Variants in MSL2 observed in about 807,000 individuals in gnomAD.
The protein encoded by MSL2 is MSL complex subunit 2, also known as E3 ubiquitin-protein ligase MSL2.
In MSL2, 2 loss-of-function variants were observed where a neutral mutation model predicts 35.8. The observed-to-expected ratio is 0.06, with a 90% CI of 0.02 to 0.18. The LOEUF is 0.18. Among genes scored for constraint, MSL2 ranks in the 10% least tolerant of loss-of-function variants. The pLI, the probability that MSL2 is intolerant of heterozygous loss-of-function variation, is 1.00. For missense variants in MSL2, 523 were observed against 706.7 expected (o/e 0.74, Z 2.95); for synonymous variants, 296 against 255.7 (o/e 1.16, Z -1.50).
At chr3:136,166,052 T>C (rs775900284) in intron 1 of MSL2, among the ~76,000 whole-genome samples, 2 of 115,706 alleles carry the variant, frequency 1.7e-5, no homozygotes, top group Non-Finnish European at 3.5e-5. Flanking sequence ...TATTTAAATG[T>C]ACGTACCAGT....
intron 1 of MSL2, among the ~76,000 whole-genome samples, chr3:136,189,255 T>C (rs1940614714): frequency 7.0e-6 from 1 of 143,504 alleles, no homozygotes; most frequent in Admixed American, 7.2e-5. Flanking sequence ...GCCGTGATCA[T>C]GCCACCACAT....
At chr3:136,184,393 G>C (rs2108090147) in intron 1 of MSL2, among the ~76,000 whole-genome samples, 1 of 152,016 alleles carries the variant, frequency 6.6e-6, no homozygotes, top group East Asian at 1.9e-4. Context: ...CTGAGGTCAG[G>C]AGTTCAAGAC....
intron 1 of MSL2, among the ~76,000 whole-genome samples, chr3:136,172,714 T>TGA (rs1185833672): frequency 6.6e-6 from 1 of 152,176 alleles, no homozygotes; most frequent in Non-Finnish European, 1.5e-5. Flanking sequence ...TAATCCTTAC[T>TGA]GACACAGACC....
At chr3:136,163,752 G>T (rs1283358753) in intron 1 of MSL2, among the ~76,000 whole-genome samples, 1 of 152,136 alleles carries the variant, frequency 6.6e-6, no homozygotes, top group South Asian at 2.1e-4. Context: ...TGAATCATGG[G>T]AGCAGTTTCC....
At chr3:136,172,069 C>A (rs1394609175) in intron 1 of MSL2, among the ~76,000 whole-genome samples, 4 of 152,090 alleles carry the variant, frequency 2.6e-5, no homozygotes. Flanking sequence ...CCTTGGCCTC[C>A]CAAAGGGCTG....
intron 1 of MSL2, chr3:136,156,018 A>G: frequency 3.0e-6 from 1 of 328,186 alleles, no homozygotes; most frequent in South Asian, 2.7e-5. Context: ...TCCTTATAGT[A>G]CCAACTACTT....
intron 1 of MSL2, among the ~76,000 whole-genome samples, chr3:136,166,062 TAAAAAA>T (rs34420183): frequency 8.7e-5 from 7 of 80,060 alleles, no homozygotes; most frequent in Non-Finnish European, 1.2e-4. Context: ...TACGTACCAG[TAAAAAA>T]AAAAAAAAAA....
chr3:136,152,267 A>C lies in MSL2; in HGVS notation c.614T>G (p.Phe205Cys). The change falls in exon 2 of 2, where the codon TTT (phenylalanine) becomes TGT (cysteine). Residue 205 changes from phenylalanine (F) to cysteine (C), a missense_variant. By Grantham distance (205) the Phe-to-Cys change is radical. Coordinates refer to ENST00000309993, the MANE Select transcript of MSL2 (RefSeq NM_018133.4). ...PTYNGLSIDR[F>C]GINIPSPEHS... ...TTCAGGTGAAGGAATATTTATACCA[A>C]ATCTATCTATTGAAAGCCCATTATA... The C allele has an allele frequency of 6.2e-7, 1 of 1,614,084 alleles. No homozygotes were observed. The highest frequency in any genetic ancestry group is 8.5e-7 in the Non-Finnish European group (1 of 1,179,918).
chr3:136,157,688 A>C (rs1303178776), intron 1 of MSL2, among the ~76,000 whole-genome samples: 1 of 152,188 alleles, frequency 6.6e-6, no homozygotes, highest in Non-Finnish European at 1.5e-5. Context: ...GCCCTACAAA[A>C]TGTGAAGAAT....
chr3:136,164,186 A>C (rs1363828094), intron 1 of MSL2, among the ~76,000 whole-genome samples: 2 of 152,244 alleles, frequency 1.3e-5, no homozygotes, highest in Admixed American at 6.5e-5. Flanking sequence ...ATTTAACTTT[A>C]GGAAATATAC....
chr3:136,195,333 CA>C lies in MSL2; in HGVS notation c.-221del. On this transcript the variant is annotated 5_prime_UTR_variant, in exon 1 of 2. Coordinates refer to ENST00000309993, the MANE Select transcript of MSL2 (RefSeq NM_018133.4). ...CCCTCCGTCCCTGAGACTTCCAGACCAAAAATATGAGAGAGAAACCAGCGTT... is the reference window on the plus strand; with the variant it reads ...CCCTCCGTCCCTGAGACTTCCAGACCAAAATATGAGAGAGAAACCAGCGTT... 7.5e-7 allele frequency: 1 copy of C among 1,338,660 alleles called. No homozygotes were observed. The highest frequency in any genetic ancestry group is 3.7e-5 in the Admixed American group (1 of 27,034). 82.9% of individuals were successfully genotyped at this position (1,338,660 alleles called of 1,614,324 possible). A position where few individuals can be genotyped will look rare whatever the true frequency, so the allele number is the denominator to read the frequency against.
At position 136,195,599 on chromosome 3, in the gene MSL2, C is replaced by A; in HGVS notation, c.-486G>T. 1.0e-6 allele frequency: 1 copy of A among 986,602 alleles called. No homozygotes were observed. Among genetic ancestry groups the A allele is most frequent in the Non-Finnish European group, 1.2e-6 (1 of 830,728 alleles). The allele number at this position is 986,602 out of a possible 1,614,324, so 61.1% of individuals were successfully genotyped here. Reference sequence around the variant, plus strand: ...CCTCTTACTCCATCCCAGTACAGGGCGCGGAGGCGGCGGCGACGGCAAGGA... The same window carrying A: ...CCTCTTACTCCATCCCAGTACAGGGAGCGGAGGCGGCGGCGACGGCAAGGA... On this transcript the variant is annotated 5_prime_UTR_variant, in exon 1 of 2. Transcript: ENST00000309993.
In MSL2 at chr3:136,150,964, G is replaced by T. The variant is rs1275772234; in HGVS notation, c.*183C>A. 9.5e-6 allele frequency: 6 copies of T among 628,382 alleles called. No homozygotes were observed. Among genetic ancestry groups the T allele is most frequent in the African/African-American group, 3.7e-5 (2 of 54,524 alleles). 38.9% of individuals were successfully genotyped at this position (628,382 alleles called of 1,614,324 possible). On this transcript the variant is annotated 3_prime_UTR_variant, in exon 2 of 2. Coordinates refer to ENST00000309993, the MANE Select transcript of MSL2 (RefSeq NM_018133.4). ...TAAGAACTAAGGACATATAGTTGTA[G>T]GGTTACTCCTCCATTATCTGCAAAC...
chr3:136,184,624 A>T (rs1940461657), intron 1 of MSL2, among the ~76,000 whole-genome samples: 1 of 152,024 alleles, frequency 6.6e-6, no homozygotes, highest in African/African-American at 2.4e-5. Flanking sequence ...CAAACAAAAA[A>T]AAGAATTCCA....
At chr3:136,173,770 A>T (rs895497254) in intron 1 of MSL2, among the ~76,000 whole-genome samples, 1 of 152,206 alleles carries the variant, frequency 6.6e-6, no homozygotes, top group Admixed American at 6.5e-5. Context: ...AGCGAACTTT[A>T]AAATCCAAAG....
intron 1 of MSL2, among the ~76,000 whole-genome samples, chr3:136,180,816 G>GGAAGGAGGGAGGGAAGGAAGGAAGGAA (rs1553767129): frequency 1.9e-5 from 1 of 53,608 alleles, no homozygotes; most frequent in Non-Finnish European, 3.2e-5. Context: ...GAGGGAAGGA[G>GGAAGGAGGGAGGGAAGGAAGGAAGGAA]GGAAGGAAGG....
intron 1 of MSL2, among the ~76,000 whole-genome samples, chr3:136,174,615 A>G (rs1036322114): frequency 6.6e-6 from 1 of 152,214 alleles, no homozygotes; most frequent in Admixed American, 6.5e-5. Context: ...CAGGTTTGTG[A>G]GGGTCAGGAA....
chr3:136,151,253 G>T lies in MSL2; in HGVS notation c.1628C>A (p.Thr543Asn). Residue 543 changes from threonine (T) to asparagine (N), a missense_variant, in exon 2 of 2, where the codon ACC (threonine) becomes AAC (asparagine). Coordinates refer to ENST00000309993, the MANE Select transcript of MSL2 (RefSeq NM_018133.4). This position sits in a 1 kb window ranked among gnomAD's most constrained non-coding sequence, Gnocchi z 5.2. The stretch of plus-strand genomic sequence containing the variant: ...GGACCCTGTGACATTTATTACACTG[G>T]TGCTGGTACTAGCGTTACGCACAGC... Reference protein sequence around the residue: ...SIAVRNASTSTSVINVTGSPV... With the variant: ...SIAVRNASTSNSVINVTGSPV... 6.2e-7 allele frequency: 1 copy of T among 1,614,192 alleles called. No individual in the cohort carries two copies. Among genetic ancestry groups the T allele is most frequent in the South Asian group, 1.1e-5 (1 of 91,088 alleles).
chr3:136,152,016 T>C lies in MSL2; in HGVS notation c.865A>G (p.Asn289Asp), dbSNP rs368960110. 3.7e-6 allele frequency: 6 copies of C among 1,614,162 alleles called. No homozygotes were observed. In the South Asian group the frequency reaches 5.5e-5, roughly 15 times the overall value. Residue 289 changes from asparagine (N) to aspartate (D), a missense_variant, in exon 2 of 2, where the codon AAT becomes GAT. Around this residue, in one of 5 missense-constraint regions of MSL2, gnomAD observed 361 missense variants for 414.6 expected, o/e 0.87. Coordinates refer to ENST00000309993, the MANE Select transcript of MSL2 (RefSeq NM_018133.4). ...GTGGCTTCCAAGTTCGGCTGCAAAT[T>C]AGGGCAACAGACCTCTGTATTTGAA... ...TVSNTEVCCP[N>D]LQPNLEATVS...
Sources: allele counts gnomAD v4.1 joint callset (sites outside exome capture counted in the v4.1 genomes callset), GRCh38; gene constraint gnomAD v4.1.1; regional missense constraint gnomAD v4.1.1; non-coding constraint Gnocchi (gnomAD v3.1); transcripts MANE v1.5; gene names NCBI Gene and HGNC (gene_info 2026-07-23, HGNC 2026-07-21).